SGK1: variants seen among roughly 807,000 people sequenced by gnomAD.
SGK1 encodes serine/threonine-protein kinase Sgk1.
A neutral mutation model predicts 64.2 loss-of-function variants in SGK1; 26 were observed. The ratio of observed to expected loss-of-function variants is 0.40; its 90% CI spans 0.30 to 0.56. The LOEUF (loss-of-function observed/expected upper bound fraction) is 0.56. SGK1 is among the 20% of genes least tolerant of loss of function. SGK1 has a pLI of 0.38. For synonymous variants in SGK1, 265 were observed against 239.7 expected (o/e 1.11, Z -0.98); for missense variants, 519 against 645.6 (o/e 0.80, Z 2.12).
intron 3 of SGK1, among the ~76,000 whole-genome samples, chr6:134,178,961 A>G (rs919342098): frequency 6.6e-6 from 1 of 151,516 alleles, no homozygotes; most frequent in Non-Finnish European, 1.5e-5. Context: ...AATGCTTCAG[A>G]AAAAATTTTT....
At chr6:134,256,838 T>A (rs1025113583) in intron 2 of SGK1, among the ~76,000 whole-genome samples, 6 of 152,240 alleles carry the variant, frequency 3.9e-5, no homozygotes, top group Admixed American at 6.5e-5. Context: ...GGTGATTCAT[T>A]GGCATTATGA....
chr6:134,253,174 C>A (rs574479795), intron 2 of SGK1, among the ~76,000 whole-genome samples: 6 of 152,252 alleles, frequency 3.9e-5, no homozygotes, highest in Admixed American at 3.9e-4. Context: ...ATTTGAAATG[C>A]TGAACAAGAG....
intron 2 of SGK1, among the ~76,000 whole-genome samples, chr6:134,252,097 A>G (rs4896031): frequency 0.044 from 6,691 of 152,252 alleles, 256 homozygotes; most frequent in East Asian, 0.12. Flanking sequence ...GTACTTCGTG[A>G]TAGGTAAAGC....
At chr6:134,284,916 T>A (rs1221703667) in intron 1 of SGK1, among the ~76,000 whole-genome samples, 1 of 152,096 alleles carries the variant, frequency 6.6e-6, no homozygotes, top group Non-Finnish European at 1.5e-5. Context: ...ATATATCACA[T>A]TTTTTTTATC....
chr6:134,276,556 G>C (rs1477876932), intron 1 of SGK1, among the ~76,000 whole-genome samples: 1 of 152,160 alleles, frequency 6.6e-6, no homozygotes, highest in Non-Finnish European at 1.5e-5. Context: ...CACAGGGAGG[G>C]TACGCTGAAG....
chr6:134,291,648 C>A (rs1384502924), intron 1 of SGK1, among the ~76,000 whole-genome samples: 6 of 152,200 alleles, frequency 3.9e-5, no homozygotes, highest in African/African-American at 1.4e-4. Context: ...TTTCTTCAGG[C>A]CTCCTCTGTC....
At chr6:134,197,759 G>A (rs1775616051) in intron 3 of SGK1, among the ~76,000 whole-genome samples, 1 of 151,784 alleles carries the variant, frequency 6.6e-6, no homozygotes, top group African/African-American at 2.4e-5. Context: ...CCGGGAGGTG[G>A]AGGTTGCAGT....
chr6:134,272,613 G>A lies in SGK1; in HGVS notation c.70-10465C>T, dbSNP rs948004556. 3.4e-5 allele frequency among the ~76,000 whole-genome samples: 5 copies of A among 146,986 alleles called. 1 individual carries two copies. Among genetic ancestry groups the A allele is most frequent in the Non-Finnish European group, 7.5e-5 (5 of 66,514 alleles). Reference sequence around the variant, plus strand: ...CACCCACAAACTCTTCCTTTTTCCCGCAGCCACCTTTCACCACCACCCAAC... The same window carrying A: ...CACCCACAAACTCTTCCTTTTTCCCACAGCCACCTTTCACCACCACCCAAC... On this transcript the variant is annotated intron_variant, in intron 1 of 13. Transcript: ENST00000367858.
At chr6:134,224,022 C>T (rs1776131402) in intron 2 of SGK1, among the ~76,000 whole-genome samples, 1 of 152,230 alleles carries the variant, frequency 6.6e-6, no homozygotes, top group Non-Finnish European at 1.5e-5. Flanking sequence ...GGAAGACTCA[C>T]TCTTGGCAGA....
At chr6:134,236,778 T>C (rs1267891427) in intron 2 of SGK1, among the ~76,000 whole-genome samples, 1 of 152,210 alleles carries the variant, frequency 6.6e-6, no homozygotes, top group African/African-American at 2.4e-5. Flanking sequence ...CCTTTTTCTT[T>C]AGACAGACTA....
chr6:134,310,413 A>T (rs931018102), intron 1 of SGK1, among the ~76,000 whole-genome samples: 7 of 152,168 alleles, frequency 4.6e-5, no homozygotes, highest in Admixed American at 6.5e-5. Flanking sequence ...TAGACTGCTG[A>T]ACTCCCTCAT....
intron 1 of SGK1, among the ~76,000 whole-genome samples, chr6:134,290,182 T>C (rs973590734): frequency 4.1e-5 from 6 of 145,528 alleles, no homozygotes; most frequent in Non-Finnish European, 7.5e-5. Context: ...AAATTAGCTA[T>C]GCATGTTGGC....
intron 3 of SGK1, among the ~76,000 whole-genome samples, chr6:134,194,022 C>T (rs1382110008): frequency 6.6e-6 from 1 of 151,932 alleles, no homozygotes; most frequent in East Asian, 1.9e-4. Context: ...CTCATGCTCA[C>T]TCAGACTGGG....
At chr6:134,287,498 T>G (rs1326028350) in intron 1 of SGK1, among the ~76,000 whole-genome samples, 1 of 151,044 alleles carries the variant, frequency 6.6e-6, no homozygotes, top group Admixed American at 6.6e-5. Context: ...GAGTAAGGAA[T>G]GAGTATTGGG....
At chr6:134,290,577 A>C in intron 1 of SGK1, among the ~76,000 whole-genome samples, 1 of 152,040 alleles carries the variant, frequency 6.6e-6, no homozygotes, top group South Asian at 2.1e-4. Flanking sequence ...AAAAATGAAG[A>C]GTGTAGTTCA....
chr6:134,298,919 G>T lies in SGK1; in HGVS notation c.69+18473C>A, dbSNP rs558997116. Among the ~76,000 whole-genome samples, 163 of 151,872 alleles carry T rather than the reference G, an allele frequency of 1.1e-3. 1 individual carries two copies. The highest frequency in any genetic ancestry group is 3.8e-3 in the African/African-American group (156 of 41,398). On this transcript the variant is annotated intron_variant, in intron 1 of 13. Coordinates refer to ENST00000367858, the MANE Select transcript of SGK1 (RefSeq NM_001143676.3). Reference sequence around the variant, plus strand: ...TGGTTCATGTGATTCTCCTGCCTCAGCCTCCTGAGTAGCTGGGATTACAGG... The same window carrying T: ...TGGTTCATGTGATTCTCCTGCCTCATCCTCCTGAGTAGCTGGGATTACAGG...
chr6:134,216,525 G>C (rs1366761691), intron 2 of SGK1, among the ~76,000 whole-genome samples: 1 of 152,118 alleles, frequency 6.6e-6, no homozygotes, highest in Non-Finnish European at 1.5e-5. Flanking sequence ...TTCTTCCATT[G>C]ACTGTCTTAG....
Position 134,267,197 on chromosome 6 carries a change from T to C in SGK1, c.70-5049A>G, listed in dbSNP as rs80258952. On this transcript the variant is annotated intron_variant, in intron 1 of 13. Transcript: ENST00000367858. ...ATTTTTTTTAAATATTCTTTTTTCA[T>C]GTTATTTTTATTTCTTTTTGTTTTT... is the stretch of plus-strand genomic sequence containing the variant. 4.1e-3 allele frequency among the ~76,000 whole-genome samples: 631 copies of C among 152,226 alleles called. 8 individuals are homozygous for C. The highest frequency in any genetic ancestry group is 0.015 in the African/African-American group (603 of 41,568).
intron 2 of SGK1, among the ~76,000 whole-genome samples, chr6:134,227,213 C>T (rs1327534719): frequency 6.6e-6 from 1 of 152,000 alleles, no homozygotes; most frequent in Non-Finnish European, 1.5e-5. Context: ...CAACTCACTG[C>T]AACCTCCGCC....
Sources: allele counts gnomAD v4.1 joint callset (sites outside exome capture counted in the v4.1 genomes callset), GRCh38; gene constraint gnomAD v4.1.1; transcripts MANE v1.5; gene names NCBI Gene and HGNC (gene_info 2026-07-23, HGNC 2026-07-21).